Variants in CACNA2D2 observed in about 807,000 individuals in gnomAD.
CACNA2D2 encodes voltage-dependent calcium channel subunit alpha-2/delta-2.
Under a neutral mutation model 166.4 loss-of-function variants are expected in CACNA2D2, and 48 were observed. That is an observed-to-expected ratio of 0.29 (90% CI 0.23 to 0.37). The LOEUF (loss-of-function observed/expected upper bound fraction) is 0.37, where lower values mean the gene tolerates loss of function less well. Ranked by LOEUF, CACNA2D2 falls within the 10% of genes least tolerant of loss-of-function variation. The probability of loss-of-function intolerance (pLI) is 1.00; values close to 1 mark genes in which losing one functional copy is unlikely to be tolerated. For synonymous variants in CACNA2D2, 561 were observed against 573.7 expected, an observed-to-expected ratio of 0.98 and a Z score of 0.32; for missense variants, 1,122 against 1,433.0, an observed-to-expected ratio of 0.78 and a Z score of 3.50.
At chr3:50,502,200 G>C (rs532063027) in intron 1 of CACNA2D2, among the ~76,000 whole-genome samples, 12 of 152,104 alleles carry the variant, frequency 7.9e-5, no homozygotes, top group African/African-American at 2.7e-4. Context: ...CCAGCAGCCC[G>C]ACGACTCATG....
chr3:50,485,360 C>A (rs1204550877), intron 1 of CACNA2D2, among the ~76,000 whole-genome samples: 1 of 152,230 alleles, frequency 6.6e-6, no homozygotes, highest in Non-Finnish European at 1.5e-5. Context: ...AAAACTGAGC[C>A]ACCCTAGTGG....
intron 2 of CACNA2D2, 88 bp downstream of exon 2, chr3:50,476,030 C>T: frequency 8.1e-7 from 1 of 1,236,978 alleles, no homozygotes; most frequent in South Asian, 1.3e-5. Context: ...TCCATTAAAC[C>T]AAATCTTCCT....
Position 50,375,646 on chromosome 3 carries a change from G to A in CACNA2D2, c.1905C>T (p.Tyr635=), listed in dbSNP as rs1322090113. The A allele has an allele frequency of 1.2e-6, 2 of 1,613,056 alleles. No individual in the cohort carries two copies. The highest frequency in any genetic ancestry group is 1.7e-5 in the Admixed American group (1 of 60,008). ...YTWVPIRSTN[Y]SLGLVLPPYS... ...CGCCCAGCCCTGGCCTCACTTACCTGTAGTTAGTGCTCCTTATAGGCACCC... is the reference window on the plus strand; with the variant it reads ...CGCCCAGCCCTGGCCTCACTTACCTATAGTTAGTGCTCCTTATAGGCACCC... Residue 635 remains tyrosine (Y), a splice_region_variant and synonymous_variant, in exon 21 of 38, where the codon TAC becomes TAT. Coordinates refer to ENST00000424201, the MANE Select transcript of CACNA2D2 (RefSeq NM_006030.4). This position sits in a 1 kb window ranked among gnomAD's most constrained non-coding sequence, Gnocchi z 4.0.
chr3:50,454,756 G>C (rs1709272625), intron 2 of CACNA2D2, among the ~76,000 whole-genome samples: 1 of 152,114 alleles, frequency 6.6e-6, no homozygotes, highest in African/African-American at 2.4e-5. Context: ...GCCAAGTCCA[G>C]TCCCTGCTCC....
chr3:50,383,655 C>T (rs1480696052), intron 6 of CACNA2D2, among the ~76,000 whole-genome samples: 1 of 152,138 alleles, frequency 6.6e-6, no homozygotes, highest in African/African-American at 2.4e-5. Context: ...CCTTATATCC[C>T]CAGCTCCTGG....
chr3:50,493,669 T>A (rs561383434), intron 1 of CACNA2D2, among the ~76,000 whole-genome samples: 2 of 152,194 alleles, frequency 1.3e-5, no homozygotes, highest in Non-Finnish European at 2.9e-5. Context: ...CAGCCTCTTG[T>A]TGGCAGCCAA....
intron 5 of CACNA2D2, 128 bp downstream of exon 5, chr3:50,387,440 T>TG: frequency 1.3e-6 from 1 of 783,332 alleles, no homozygotes; most frequent in Non-Finnish European, 2.2e-6. Flanking sequence ...AGGTGGAAGG[T>TG]GGGGCCTGTG....
At chr3:50,420,642 T>C (rs1707508732) in intron 3 of CACNA2D2, among the ~76,000 whole-genome samples, 1 of 152,080 alleles carries the variant, frequency 6.6e-6, no homozygotes, top group Non-Finnish European at 1.5e-5. Context: ...GTGTGGGGGC[T>C]CCAGGCAGCC....
chr3:50,488,596 C>A (rs1196676838), intron 1 of CACNA2D2, among the ~76,000 whole-genome samples: 1 of 150,938 alleles, frequency 6.6e-6, no homozygotes, highest in African/African-American at 2.4e-5. Context: ...CACCTCTTCC[C>A]CCAGCTCCAT....
In CACNA2D2 at chr3:50,367,466, G is replaced by T; in HGVS notation, c.2329C>A (p.Pro777Thr). The T allele has an allele frequency of 1.2e-6, 2 of 1,613,978 alleles. No homozygotes were observed. The highest frequency in any genetic ancestry group is 1.7e-6 in the Non-Finnish European group (2 of 1,180,010). The change falls in exon 27 of 38, where the codon CCC becomes ACC. Residue 777 changes from proline to threonine, a missense_variant. Around this residue, in one of 2 missense-constraint regions of CACNA2D2, gnomAD observed 840 missense variants for 1,166.8 expected, o/e 0.72. Coordinates refer to ENST00000424201, the MANE Select transcript of CACNA2D2 (RefSeq NM_006030.4). This position sits in a 1 kb window ranked among gnomAD's most constrained non-coding sequence, Gnocchi z 6.5. The stretch of plus-strand genomic sequence containing the variant: ...CGGCGGTAGAAGCTGGCATTGAAGG[G>T]CTCAGGGTTCTCTGTCCAGTCCTCA... ...AAEDWTENPEPFNASFYRRSL... is the reference protein window; with the variant it reads ...AAEDWTENPETFNASFYRRSL...
At chr3:50,406,225 T>C (rs1368488433) in intron 3 of CACNA2D2, among the ~76,000 whole-genome samples, 1 of 151,832 alleles carries the variant, frequency 6.6e-6, no homozygotes, top group Non-Finnish European at 1.5e-5. Flanking sequence ...GCAATCAGCC[T>C]GACTCTAAAA....
At chr3:50,374,197 A>AAGGGGAGGGGGGAAGGTG (rs1160260961) in intron 22 of CACNA2D2, among the ~76,000 whole-genome samples, 5 of 21,276 alleles carry the variant, frequency 2.4e-4, no homozygotes, top group Non-Finnish European at 4.8e-4. Flanking sequence ...GGAGGGAGGA[A>AAGGGGAGGGGGGAAGGTG]AGGGGAGGGG....
At chr3:50,442,700 T>G (rs9837658) in intron 2 of CACNA2D2, among the ~76,000 whole-genome samples, 14,403 of 152,184 alleles carry the variant, frequency 0.095, 1,984 homozygotes, top group African/African-American at 0.3. Context: ...CCTGCAATTG[T>G]CATCCATTGG....
intron 22 of CACNA2D2, among the ~76,000 whole-genome samples, chr3:50,373,873 CAG>C (rs1193905680): frequency 1.5e-3 from 80 of 54,526 alleles, no homozygotes; most frequent in Non-Finnish European, 1.4e-3. Flanking sequence ...GAGGAGGGGG[CAG>C]AGAGAGAGAG....
intron 3 of CACNA2D2, among the ~76,000 whole-genome samples, chr3:50,405,467 C>T (rs574752533): frequency 1.3e-5 from 2 of 152,290 alleles, no homozygotes; most frequent in South Asian, 2.1e-4. Flanking sequence ...TAGGGAGGAG[C>T]GTCAGGGCTG....
chr3:50,433,348 T>G (rs1370461208), intron 3 of CACNA2D2, among the ~76,000 whole-genome samples: 1 of 151,606 alleles, frequency 6.6e-6, no homozygotes, highest in Admixed American at 6.6e-5. Flanking sequence ...CTTTATTCCG[T>G]TTTTTTTGTT....
chr3:50,367,991 G>T lies in CACNA2D2; in HGVS notation c.2144-89C>A, dbSNP rs2109412523. Reference sequence around the variant, plus strand: ...CCCCACCCTTAAGGCTCCACCAGGAGCCTCCTCCATGACCTGGCCCTGGCC... The same window carrying T: ...CCCCACCCTTAAGGCTCCACCAGGATCCTCCTCCATGACCTGGCCCTGGCC... On this transcript the variant is annotated intron_variant, in intron 24 of 37. Transcript: ENST00000424201. This position sits in a 1 kb window ranked among gnomAD's most constrained non-coding sequence, Gnocchi z 6.5. 1 of 1,179,016 alleles carries T rather than the reference G, an allele frequency of 8.5e-7. No homozygotes were observed. 73.0% of individuals were successfully genotyped at this position (1,179,016 alleles called of 1,614,324 possible).
chr3:50,469,768 T>C (rs1709986450), intron 2 of CACNA2D2, among the ~76,000 whole-genome samples: 1 of 152,202 alleles, frequency 6.6e-6, no homozygotes, highest in African/African-American at 2.4e-5. Context: ...CATCCAGCTA[T>C]TGCCCCTGGC....
chr3:50,445,558 C>G (rs1177240743), intron 2 of CACNA2D2, among the ~76,000 whole-genome samples: 1 of 152,176 alleles, frequency 6.6e-6, no homozygotes, highest in East Asian at 1.9e-4. Context: ...TGTAAGTGCC[C>G]TTAAGTCTTC....
Sources: gnomAD v4.1 joint callset for allele counts (sites outside exome capture counted in the v4.1 genomes callset) on GRCh38, gnomAD v4.1.1 for gene constraint, gnomAD v4.1.1 regional missense constraint, Gnocchi (gnomAD v3.1) non-coding constraint, MANE v1.5 for transcripts, NCBI Gene and HGNC (gene_info 2026-07-23, HGNC 2026-07-21) for gene names.